The following CSGALNACT1 variants were observed in gnomAD, a reference collection of about 807,000 sequenced individuals.
The protein encoded by CSGALNACT1 is beta4GalNAcT-1.
Under a neutral mutation model 51.0 loss-of-function variants are expected in CSGALNACT1, and 52 were observed. The observed-to-expected ratio is 1.02, with a 90% CI of 0.82 to 1.29. The LOEUF (loss-of-function observed/expected upper bound fraction) is 1.29, where lower values mean the gene tolerates loss of function less well. Among genes scored for constraint, CSGALNACT1 ranks in the 50% most tolerant of loss-of-function variants. The probability of loss-of-function intolerance (pLI) is 0.00; values close to 1 mark genes in which losing one functional copy is unlikely to be tolerated. For missense variants in CSGALNACT1, 935 were observed against 679.2 expected, an observed-to-expected ratio of 1.38 and a Z score of -4.19; for synonymous variants, 341 against 254.4, an observed-to-expected ratio of 1.34 and a Z score of -3.24.
intron 6 of CSGALNACT1, among the ~76,000 whole-genome samples, chr8:19,431,209 G>A (rs2059604036): frequency 6.6e-6 from 1 of 151,978 alleles, no homozygotes; most frequent in South Asian, 2.1e-4. Flanking sequence ...GTACAATATT[G>A]AATAGTGAAA....
chr8:19,571,546 T>C (rs1588505678), intron 3 of CSGALNACT1, among the ~76,000 whole-genome samples: 1 of 150,940 alleles, frequency 6.6e-6, no homozygotes, highest in Non-Finnish European at 1.5e-5. Flanking sequence ...ATATGGCTAA[T>C]ACGGCATTTA....
intron 4 of CSGALNACT1, among the ~76,000 whole-genome samples, chr8:19,499,381 G>A (rs915601048): frequency 1.3e-5 from 2 of 152,030 alleles, no homozygotes; most frequent in Non-Finnish European, 1.5e-5. Context: ...GTGTGTCTGG[G>A]GCCTAACACA....
chr8:19,430,400 T>C (rs1203021518), intron 6 of CSGALNACT1, among the ~76,000 whole-genome samples: 2 of 152,218 alleles, frequency 1.3e-5, no homozygotes, highest in African/African-American at 4.8e-5. Context: ...ACCTATCAAC[T>C]ACAGAAAACA....
chr8:19,431,079 T>C (rs912581173), intron 6 of CSGALNACT1, among the ~76,000 whole-genome samples: 7 of 152,134 alleles, frequency 4.6e-5, no homozygotes, highest in African/African-American at 1.7e-4. Flanking sequence ...GTTTTGTGGA[T>C]TCCTTGTAAT....
intron 3 of CSGALNACT1, among the ~76,000 whole-genome samples, chr8:19,520,592 T>C (rs1004849506): frequency 5.9e-5 from 9 of 152,258 alleles, no homozygotes; most frequent in African/African-American, 2.2e-4. Context: ...ACAGTAGAAA[T>C]TGTCCTGTTT....
At chr8:19,682,739 G>C (rs756559764), upstream of CSGALNACT1, 7 of 453,954 alleles carry the variant, frequency 1.5e-5, no homozygotes, top group Non-Finnish European at 3.1e-5. Context: ...CCTGAGCAAG[G>C]CTGCGGATCC....
At position 19,530,394 on chromosome 8, in the gene CSGALNACT1, T is replaced by C. The variant is rs552765145; in HGVS notation, c.-296-24264A>G. On this transcript the variant is annotated intron_variant, in intron 3 of 9. Transcript: ENST00000454498. ...GTATGTGTATATATGTAAGTGTATA[T>C]ATAATTTTATAATATCTATAACTCT... Among the ~76,000 whole-genome samples the C allele has an allele frequency of 7.9e-5, 12 of 152,294 alleles. No homozygotes were observed. The South Asian group carries it at 2.3e-3, about 29-fold the overall frequency.
chr8:19,424,655 C>T (rs1260921143), intron 6 of CSGALNACT1, among the ~76,000 whole-genome samples: 1 of 152,162 alleles, frequency 6.6e-6, no homozygotes, highest in Non-Finnish European at 1.5e-5. Context: ...GTAGTCAGGC[C>T]ACTTATCAAT....
At chr8:19,441,577 A>G (rs1448473130) in intron 5 of CSGALNACT1, among the ~76,000 whole-genome samples, 3 of 152,238 alleles carry the variant, frequency 2.0e-5, no homozygotes, top group Admixed American at 2.0e-4. Flanking sequence ...TTCAAGATGG[A>G]TTAAAGACTT....
At chr8:19,638,678 T>C (rs907704765) in intron 1 of CSGALNACT1, among the ~76,000 whole-genome samples, 3 of 152,144 alleles carry the variant, frequency 2.0e-5, no homozygotes, top group Admixed American at 6.5e-5. Context: ...GAAGTGATCA[T>C]ATAAGTGAGA....
At chr8:19,574,892 G>A (rs2043816556) in intron 3 of CSGALNACT1, among the ~76,000 whole-genome samples, 1 of 152,052 alleles carries the variant, frequency 6.6e-6, no homozygotes, top group African/African-American at 2.4e-5. Flanking sequence ...AAAATTAGCT[G>A]GACATGGTAG....
chr8:19,482,816 C>T (rs1162986193), intron 4 of CSGALNACT1, among the ~76,000 whole-genome samples: 1 of 152,140 alleles, frequency 6.6e-6, no homozygotes, highest in Non-Finnish European at 1.5e-5. Context: ...TTATTTTGAG[C>T]TCCAAACCCA....
At position 19,690,473 on chromosome 8, in the gene CSGALNACT1, A is replaced by C. The variant is rs1255292370; in HGVS notation, c.-297+67377T>G. Among the ~76,000 whole-genome samples, 39 of 152,236 alleles carry C rather than the reference A, an allele frequency of 2.6e-4. 1 individual carries two copies. The highest frequency in any genetic ancestry group is 2.6e-3 in the Admixed American group (39 of 15,282). ...ACAAGTGTGATATATAGAACTATTAAATAGTCAAAGAGCTCATCTTTCTCC... is the reference window on the plus strand; with the variant it reads ...ACAAGTGTGATATATAGAACTATTACATAGTCAAAGAGCTCATCTTTCTCC... On this transcript the variant is annotated intron_variant, in intron 1 of 1. Coordinates refer to the CSGALNACT1 transcript ENST00000517494.
chr8:19,475,401 C>T (rs1304348444), intron 4 of CSGALNACT1, among the ~76,000 whole-genome samples: 1 of 152,134 alleles, frequency 6.6e-6, no homozygotes, highest in African/African-American at 2.4e-5. Flanking sequence ...TATGTTCAGA[C>T]AATCCCTACA....
At chr8:19,514,301 AG>A (rs1267252860) in intron 3 of CSGALNACT1, among the ~76,000 whole-genome samples, 2 of 151,710 alleles carry the variant, frequency 1.3e-5, no homozygotes, top group African/African-American at 4.8e-5. Context: ...TACTTAGCAC[AG>A]GTACTGGCTC....
At chr8:19,582,035 T>C (rs1415392652) in intron 3 of CSGALNACT1, among the ~76,000 whole-genome samples, 2 of 152,218 alleles carry the variant, frequency 1.3e-5, no homozygotes, top group African/African-American at 2.4e-5. Flanking sequence ...CTATCTCTGT[T>C]ACCCAAATGA....
chr8:19,657,584 A>G (rs527680679), intron 1 of CSGALNACT1, among the ~76,000 whole-genome samples: 16 of 152,370 alleles, frequency 1.1e-4, no homozygotes, highest in South Asian at 6.2e-4. Flanking sequence ...AAGAGCCACA[A>G]TGGAAGTCAA....
intron 3 of CSGALNACT1, among the ~76,000 whole-genome samples, chr8:19,520,851 G>A (rs189327267): frequency 9.2e-5 from 14 of 152,322 alleles, no homozygotes; most frequent in African/African-American, 2.6e-4. Context: ...CGTTGAGACA[G>A]AGGTTATTAA....
At chr8:19,559,938 A>C (rs138098615) in intron 3 of CSGALNACT1, among the ~76,000 whole-genome samples, 1 of 152,318 alleles carries the variant, frequency 6.6e-6, no homozygotes, top group African/African-American at 2.4e-5. Flanking sequence ...GGCCAACTAT[A>C]ATTAAGACTC....
Sources: allele counts gnomAD v4.1 joint callset (sites outside exome capture counted in the v4.1 genomes callset), GRCh38; gene constraint gnomAD v4.1.1; transcripts MANE v1.5; gene names NCBI Gene and HGNC (gene_info 2026-07-23, HGNC 2026-07-21).